The following CORO1C variants were observed in gnomAD, a reference collection of about 807,000 sequenced individuals.
CORO1C encodes coronin-1C.
In CORO1C, 14 loss-of-function variants were observed where a neutral mutation model predicts 51.2. The observed-to-expected ratio is 0.27, with a 90% CI of 0.18 to 0.43. The LOEUF (loss-of-function observed/expected upper bound fraction) is 0.43. CORO1C is among the 20% of genes least tolerant of loss of function. CORO1C has a pLI of 1.00. For missense variants in CORO1C, 417 were observed against 607.8 expected (o/e 0.69, Z 3.30); for synonymous variants, 181 against 210.5 (o/e 0.86, Z 1.21).
intron 6 of CORO1C, among the ~76,000 whole-genome samples, chr12:108,656,299 C>CGT (rs2136804104): frequency 2.3e-5 from 1 of 44,428 alleles, no homozygotes; most frequent in Non-Finnish European, 4.5e-5. Context: ...GGGGGCTCAG[C>CGT]CCCCGCCCGG....
intron 2 of CORO1C, among the ~76,000 whole-genome samples, chr12:108,697,374 T>C (rs925961041): frequency 2.0e-5 from 3 of 152,212 alleles, no homozygotes; most frequent in Non-Finnish European, 4.4e-5. Context: ...TTAAAAGCCA[T>C]ACCCATCTTT....
At chr12:108,653,934 A>G (rs2032807955) in intron 7 of CORO1C, among the ~76,000 whole-genome samples, 1 of 152,248 alleles carries the variant, frequency 6.6e-6, no homozygotes, top group African/African-American at 2.4e-5. Flanking sequence ...CTGGTTGCCC[A>G]TCCCTGACAT....
intron 1 of CORO1C, among the ~76,000 whole-genome samples, chr12:108,717,703 GACTT>G (rs1204791991): frequency 5.3e-5 from 8 of 152,274 alleles, no homozygotes; most frequent in Admixed American, 2.6e-4. Context: ...TTGGTGTGGA[GACTT>G]ACTTACTACC....
At chr12:108,692,975 T>C (rs1293050081) in intron 2 of CORO1C, among the ~76,000 whole-genome samples, 1 of 151,938 alleles carries the variant, frequency 6.6e-6, no homozygotes, top group Non-Finnish European at 1.5e-5. Context: ...TTTTTGTATT[T>C]TTAGTAGAGA....
chr12:108,716,230 C>T (rs2136882305), intron 1 of CORO1C, among the ~76,000 whole-genome samples: 1 of 140,156 alleles, frequency 7.1e-6, no homozygotes, highest in African/African-American at 2.6e-5. Flanking sequence ...TGGTAAAAAA[C>T]ACACTGTGTA....
At chr12:108,715,506 T>C (rs775216176) in intron 1 of CORO1C, among the ~76,000 whole-genome samples, 21 of 152,146 alleles carry the variant, frequency 1.4e-4, no homozygotes, top group Non-Finnish European at 2.6e-4. Context: ...CATCTCCCAA[T>C]TTTCTGCTTA....
intron 1 of CORO1C, among the ~76,000 whole-genome samples, chr12:108,714,604 T>C (rs942957042): frequency 6.8e-6 from 1 of 147,904 alleles, no homozygotes; most frequent in Non-Finnish European, 1.5e-5. Flanking sequence ...CTACCAAAAA[T>C]ACAAAAAATT....
intron 4 of CORO1C, 90 bp from the exon 5 acceptor site, chr12:108,659,009 A>C (rs1032235694): frequency 7.6e-7 from 1 of 1,321,196 alleles, no homozygotes; most frequent in African/African-American, 1.5e-5. Context: ...GAATACACAT[A>C]TGTATATGCA....
chr12:108,683,955 A>G (rs1233025692), intron 2 of CORO1C, among the ~76,000 whole-genome samples: 3 of 152,228 alleles, frequency 2.0e-5, no homozygotes, highest in Non-Finnish European at 4.4e-5. Context: ...ATTGAAGCCT[A>G]TATGACTTAT....
intron 2 of CORO1C, among the ~76,000 whole-genome samples, chr12:108,691,208 C>T (rs1027151335): frequency 6.6e-6 from 1 of 152,136 alleles, no homozygotes; most frequent in African/African-American, 2.4e-5. Flanking sequence ...CCCAAGTCAC[C>T]GTTCCTCCAA....
At chr12:108,709,960 C>G (rs2035133082) in intron 1 of CORO1C, among the ~76,000 whole-genome samples, 1 of 152,180 alleles carries the variant, frequency 6.6e-6, no homozygotes, top group East Asian at 1.9e-4. Context: ...AAGTTATTCA[C>G]TAAGCAAATC....
At chr12:108,671,296 G>T (rs1343614326) in intron 3 of CORO1C, among the ~76,000 whole-genome samples, 2 of 152,136 alleles carry the variant, frequency 1.3e-5, no homozygotes, top group East Asian at 3.9e-4. Context: ...CTGTACTCCA[G>T]CCTGGGTGAC....
intron 2 of CORO1C, among the ~76,000 whole-genome samples, chr12:108,685,822 A>ATGTGAAGACAGTATGGGGGTAGATGGCAT (rs1363493505): frequency 4.1e-4 from 63 of 152,318 alleles, no homozygotes; most frequent in African/African-American, 1.3e-3. Flanking sequence ...AAGAACAAAA[A>ATGTGAAGACAGTATGGGGGTAGATGGCAT]TGTGAAGACA....
chr12:108,652,055 C>CTCTTTT (rs2032691585), intron 8 of CORO1C: 2 of 142,352 alleles, frequency 1.4e-5, no homozygotes, highest in South Asian at 4.4e-4. Flanking sequence ...TTTTTCTTTT[C>CTCTTTT]TTTTTTTTTT....
At chr12:108,684,241 G>A (rs1313710216) in intron 2 of CORO1C, among the ~76,000 whole-genome samples, 2 of 152,084 alleles carry the variant, frequency 1.3e-5, no homozygotes, top group African/African-American at 4.8e-5. Flanking sequence ...AAAACAACAT[G>A]GTCACATTTT....
rs77736783 is a variant in CORO1C, at chr12:108,676,353, T to C, written c.318+1919A>G. Among the ~76,000 whole-genome samples, 1,205 of 152,342 alleles carry C rather than the reference T, an allele frequency of 7.9e-3. 19 individuals carry two copies. Among genetic ancestry groups the C allele is most frequent in the African/African-American group, 0.027 (1,115 of 41,572 alleles). ...TTTCACTTAACTATTTGGTGTGTTT[T>C]TCTGTTTTATAATACACACTATTTT... On this transcript the variant is annotated intron_variant, in intron 3 of 10. Coordinates refer to ENST00000261401, the MANE Select transcript of CORO1C (RefSeq NM_014325.4).
chr12:108,667,183 G>A (rs1372354919), intron 3 of CORO1C, among the ~76,000 whole-genome samples: 1 of 151,964 alleles, frequency 6.6e-6, no homozygotes, highest in African/African-American at 2.4e-5. Flanking sequence ...GAATTTCTTA[G>A]AATGAGTCTT....
intron 1 of CORO1C, among the ~76,000 whole-genome samples, chr12:108,713,902 AT>A (rs201235612): frequency 0.011 from 1,660 of 152,344 alleles, 46 homozygotes; most frequent in Admixed American, 0.047. Flanking sequence ...AACACTTTAA[AT>A]GTGAAACTGC....
intron 1 of CORO1C, chr12:108,701,573 G>C (rs757747152): frequency 3.1e-4 from 161 of 514,526 alleles, no homozygotes; most frequent in Non-Finnish European, 4.8e-4. Context: ...CAGCTCATCA[G>C]TTTTAATTTC....
Sources: gnomAD v4.1 joint callset for allele counts (sites outside exome capture counted in the v4.1 genomes callset) on GRCh38, gnomAD v4.1.1 for gene constraint, MANE v1.5 for transcripts, NCBI Gene and HGNC (gene_info 2026-07-23, HGNC 2026-07-21) for gene names.